GLRA2: variants seen among roughly 807,000 people sequenced by gnomAD.
The protein encoded by GLRA2 is glycine receptor subunit alpha-2.
GLRA2 carries 11 observed loss-of-function variants against 31.6 expected under a neutral mutation model. The ratio of observed to expected loss-of-function variants is 0.35; its 90% CI spans 0.22 to 0.58. The LOEUF is 0.58. Ranked by LOEUF, GLRA2 falls within the 20% of genes least tolerant of loss-of-function variation. GLRA2 has a pLI of 0.84. For synonymous variants in GLRA2, 132 were observed against 134.0 expected (o/e 0.99, Z 0.10); for missense variants, 212 against 351.8 (o/e 0.60, Z 3.18).
In GLRA2 at chrX:14,532,358, G is replaced by A. The variant is rs1294876746; in HGVS notation, c.188G>A (p.Arg63Lys). ...ACATCAGGATATGATGCAAGAATCA[G>A]GCCAAATTTTAAAGGTAGGTTCCAC... ...GRTSGYDARIRPNFKGPPVNV... is the reference protein window; with the variant it reads ...GRTSGYDARIKPNFKGPPVNV... The change falls in exon 2 of 9, where the codon AGG becomes AAG. Residue 63 changes from arginine to lysine, a missense_variant. By Grantham distance (26) the Arg-to-Lys change is conservative. This residue lies in a region of GLRA2 where 110 missense variants were observed against 232.6 expected (regional missense o/e 0.47). Transcript: ENST00000218075. The A allele has an allele frequency of 1.7e-6, 2 of 1,183,216 alleles. No individual in the cohort carries two copies. Among genetic ancestry groups the A allele is most frequent in the East Asian group, 3.0e-5 (1 of 33,226 alleles).
At chrX:14,595,257 G>T (rs1164312942) in intron 4 of GLRA2, among the ~76,000 whole-genome samples, 1 of 111,843 alleles carries the variant, frequency 8.9e-6, no homozygotes, top group African/African-American at 3.3e-5. Context: ...TCCTAGCTTT[G>T]CATCTTAATA....
intron 2 of GLRA2, among the ~76,000 whole-genome samples, chrX:14,562,172 G>T (rs760583983): frequency 3.6e-4 from 40 of 112,533 alleles, no homozygotes; most frequent in African/African-American, 1.2e-3. Flanking sequence ...AAACGGCACA[G>T]TAGACAGCTC....
chrX:14,525,362 C>T (rs1044954073), upstream of GLRA2, among the ~76,000 whole-genome samples: 1 of 111,031 alleles, frequency 9.0e-6, no homozygotes, highest in Non-Finnish European at 1.9e-5. Flanking sequence ...TTCAAAGCTC[C>T]TAAATCTTAC....
the GLRA2 span, among the ~76,000 whole-genome samples, chrX:14,502,059 C>G: frequency 8.9e-6 from 1 of 111,833 alleles, no homozygotes; most frequent in Non-Finnish European, 1.9e-5. Context: ...TTTAAAAACC[C>G]TATCTCCAAA....
chrX:14,453,255 T>C, the GLRA2 span, among the ~76,000 whole-genome samples: 2 of 111,712 alleles, frequency 1.8e-5, no homozygotes, highest in African/African-American at 6.5e-5. Flanking sequence ...AGGGAAGATA[T>C]TGCCTCTTTG....
Position 14,609,234 on chromosome X carries a change from C to G in GLRA2, c.930+29C>G, listed in dbSNP as rs760016302. 3 of 988,433 alleles carry G rather than the reference C, an allele frequency of 3.0e-6. No individual in the cohort carries two copies. In the South Asian group the frequency reaches 5.9e-5, roughly 19 times the overall value. The allele number at this position is 988,433 out of a possible 1,213,427, so 81.5% of individuals were successfully genotyped here. ...AGAAATCTTGCTTGATAACAGATGA[C>G]ATGAAAGCTTCCCAAAGGTCTTGTG... On this transcript the variant is annotated intron_variant, in intron 7 of 8. Transcript: ENST00000218075.
At chrX:14,468,536 A>T in the GLRA2 span, among the ~76,000 whole-genome samples, 1 of 112,391 alleles carries the variant, frequency 8.9e-6, no homozygotes, top group African/African-American at 3.2e-5. Context: ...TATGGAACTT[A>T]TACTGGGAAA....
At chrX:14,604,590 GTGTC>G (rs1470523008) in intron 5 of GLRA2, among the ~76,000 whole-genome samples, 193 bp downstream of exon 5, 8 of 89,501 alleles carry the variant, frequency 8.9e-5, no homozygotes, top group African/African-American at 2.6e-4. Context: ...GTGTGTGTGT[GTGTC>G]ATACAAAATC....
the GLRA2 span, among the ~76,000 whole-genome samples, chrX:14,521,673 G>A: frequency 9.0e-6 from 1 of 111,032 alleles, no homozygotes; most frequent in Non-Finnish European, 1.9e-5. Flanking sequence ...ATCTATACAG[G>A]CATACCTCAG....
chrX:14,621,114 G>T (rs1000298563), intron 7 of GLRA2, among the ~76,000 whole-genome samples: 1 of 111,558 alleles, frequency 9.0e-6, no homozygotes, highest in Non-Finnish European at 1.9e-5. Context: ...AGTTATTGTG[G>T]AAGTACTGTA....
At chrX:14,505,179 A>G in the GLRA2 span, among the ~76,000 whole-genome samples, 1 of 112,250 alleles carries the variant, frequency 8.9e-6, no homozygotes, top group Non-Finnish European at 1.9e-5. Context: ...AACAGAAATT[A>G]GGAAGCCAAA....
Position 14,730,484 on chromosome X carries a change from A to AGAT in GLRA2, c.*1_*3dup. The stretch of plus-strand genomic sequence containing the variant: ...CGGCATGAAGATGTCCACAAGAAAT[A>AGAT]GATGTGCCCTACAGACCCTGGGACC... On this transcript the variant is annotated inframe_insertion and stop_retained_variant, in exon 9 of 9. Transcript: ENST00000218075. The AGAT allele has an allele frequency of 8.4e-7, 1 of 1,191,664 alleles. No homozygotes were observed. Among genetic ancestry groups the AGAT allele is most frequent in the Non-Finnish European group, 1.1e-6 (1 of 879,704 alleles).
At chrX:14,695,224 C>T (rs184316153) in intron 8 of GLRA2, among the ~76,000 whole-genome samples, 1 of 110,211 alleles carries the variant, frequency 9.1e-6, no homozygotes, top group East Asian at 2.8e-4. Context: ...GTGGATTGGG[C>T]AGAAAAAGGA....
intron 7 of GLRA2, among the ~76,000 whole-genome samples, chrX:14,638,859 G>A (rs1386706035): frequency 9.0e-6 from 1 of 111,182 alleles, no homozygotes; most frequent in Non-Finnish European, 1.9e-5. Flanking sequence ...CAGAGTAAAT[G>A]GAATTTAAAA....
At chrX:14,662,012 C>G (rs1168092300) in intron 7 of GLRA2, among the ~76,000 whole-genome samples, 2 of 110,063 alleles carry the variant, frequency 1.8e-5, no homozygotes, top group East Asian at 5.6e-4. Flanking sequence ...AGTAGCAACT[C>G]TGCCCAAATA....
At chrX:14,700,941 T>A (rs1356873210) in intron 8 of GLRA2, among the ~76,000 whole-genome samples, 1 of 109,944 alleles carries the variant, frequency 9.1e-6, no homozygotes, top group Admixed American at 9.8e-5. Flanking sequence ...CCACTAGCCA[T>A]ACCCAGTAGA....
chrX:14,581,084 C>T, intron 3 of GLRA2, 99 bp from the exon 4 acceptor site: 1 of 565,451 alleles, frequency 1.8e-6, no homozygotes, highest in Admixed American at 2.4e-5. Flanking sequence ...TACTCGGACA[C>T]CAAAGCTGTA....
At chrX:14,562,631 G>C (rs1342852959) in intron 2 of GLRA2, among the ~76,000 whole-genome samples, 1 of 112,020 alleles carries the variant, frequency 8.9e-6, no homozygotes, top group Non-Finnish European at 1.9e-5. Flanking sequence ...ATGTTGACAG[G>C]TTTGCTTTCT....
At chrX:14,684,092 T>C (rs953929393) in intron 7 of GLRA2, among the ~76,000 whole-genome samples, 14 of 111,563 alleles carry the variant, frequency 1.3e-4, no homozygotes, top group African/African-American at 4.2e-4. Flanking sequence ...CCTTTTCTTG[T>C]TTTTGCCAGG....
Sources: allele counts gnomAD v4.1 joint callset (sites outside exome capture counted in the v4.1 genomes callset), GRCh38; gene constraint gnomAD v4.1.1; regional missense constraint gnomAD v4.1.1; transcripts MANE v1.5; gene names NCBI Gene and HGNC (gene_info 2026-07-23, HGNC 2026-07-21).